ZRANB3: variants seen among roughly 807,000 people sequenced by gnomAD.
The protein encoded by ZRANB3 is DNA annealing helicase and endonuclease ZRANB3.
ZRANB3 carries 125 observed loss-of-function variants against 133.8 expected under a neutral mutation model. The observed-to-expected ratio is 0.93, with a 90% CI of 0.81 to 1.08. The LOEUF is 1.08. Among genes scored for constraint, ZRANB3 ranks in the 50% least tolerant of loss-of-function variants. ZRANB3 has a pLI of 0.00. For synonymous variants in ZRANB3, 387 were observed against 432.7 expected, an observed-to-expected ratio of 0.89 and a Z score of 1.31; for missense variants, 1,229 against 1,275.5, an observed-to-expected ratio of 0.96 and a Z score of 0.56.
At chr2:135,403,634 G>A (rs1223262540) in intron 2 of ZRANB3, among the ~76,000 whole-genome samples, 2 of 152,216 alleles carry the variant, frequency 1.3e-5, no homozygotes, top group Non-Finnish European at 1.5e-5. Context: ...CTGGAGATCT[G>A]AGAACAGATA....
At chr2:135,277,862 T>C (rs1449871861) in intron 8 of ZRANB3, among the ~76,000 whole-genome samples, 1 of 149,958 alleles carries the variant, frequency 6.7e-6, no homozygotes, top group East Asian at 1.9e-4. Flanking sequence ...GAGGTGGAGG[T>C]TGCAGTGAGC....
chr2:135,290,346 T>A (rs1009883565), intron 8 of ZRANB3, among the ~76,000 whole-genome samples: 1 of 152,232 alleles, frequency 6.6e-6, no homozygotes, highest in Admixed American at 6.5e-5. Context: ...CATTATATAA[T>A]GTCCCTGTTT....
intron 12 of ZRANB3, among the ~76,000 whole-genome samples, chr2:135,234,226 T>C (rs1020977268): frequency 6.6e-6 from 1 of 152,222 alleles, no homozygotes; most frequent in Non-Finnish European, 1.5e-5. Flanking sequence ...AAGGGATCAA[T>C]TCAACAAGAA....
rs1191297417 is a variant in ZRANB3 at position 135,227,846 on chromosome 2, C to G, written c.2124G>C (p.Glu708Asp). The G allele has an allele frequency of 6.3e-7, 1 of 1,577,494 alleles. No individual in the cohort carries two copies. Among genetic ancestry groups the G allele is most frequent in the African/African-American group, 1.3e-5 (1 of 74,566 alleles). ...ADSKEETPKIEKEDGLTSQPG... is the reference protein window; with the variant it reads ...ADSKEETPKIDKEDGLTSQPG... Reference sequence around the variant, plus strand: ...GCTGGGATGTAAGTCCGTCTTCTTTCTCAATTTTTGGTGTTTCTTCCTTGC... The same window carrying G: ...GCTGGGATGTAAGTCCGTCTTCTTTGTCAATTTTTGGTGTTTCTTCCTTGC... The change falls in exon 14 of 21, where the codon GAG becomes GAC. Residue 708 changes from glutamate to aspartate, a missense_variant. By Grantham distance (45) the Glu-to-Asp change is conservative (BLOSUM62 2). Coordinates refer to ENST00000264159, the MANE Select transcript of ZRANB3 (RefSeq NM_032143.4).
chr2:135,246,053 T>C (rs2105089417), intron 12 of ZRANB3, among the ~76,000 whole-genome samples: 1 of 145,812 alleles, frequency 6.9e-6, no homozygotes, highest in Non-Finnish European at 1.5e-5. Context: ...TTTTTTTTTT[T>C]TTTGAGACAG....
At chr2:135,407,928 T>C (rs1267473510) in intron 2 of ZRANB3, among the ~76,000 whole-genome samples, 1 of 147,872 alleles carries the variant, frequency 6.8e-6, no homozygotes, top group African/African-American at 2.6e-5. Flanking sequence ...GGACTTCATG[T>C]CTAAAACACC....
chr2:135,356,730 T>G (rs552886764), intron 3 of ZRANB3, among the ~76,000 whole-genome samples: 2 of 152,336 alleles, frequency 1.3e-5, no homozygotes, highest in Admixed American at 1.3e-4. Flanking sequence ...GTGTGTTTGT[T>G]TTTTAGATAG....
At chr2:135,515,687 G>A (rs184183753) in intron 1 of ZRANB3, among the ~76,000 whole-genome samples, 343 of 152,304 alleles carry the variant, frequency 2.3e-3, no homozygotes, top group African/African-American at 6.0e-3. Context: ...ATTTGCTGAG[G>A]AGTGCATTAC....
chr2:135,373,616 C>G (rs1244733860), intron 3 of ZRANB3, among the ~76,000 whole-genome samples: 1 of 151,824 alleles, frequency 6.6e-6, no homozygotes, highest in African/African-American at 2.4e-5. Context: ...GGCAAAACCC[C>G]GTCTCAACTA....
chr2:135,204,616 C>T lies in ZRANB3; in HGVS notation c.3010-1653G>A, dbSNP rs562588294. Among the ~76,000 whole-genome samples, 4 of 139,794 alleles carry T rather than the reference C, an allele frequency of 2.9e-5. No individual in the cohort carries two copies. The South Asian group carries it at 9.0e-4, about 31-fold the overall frequency. 91.7% of individuals were successfully genotyped at this position (139,794 alleles called of 152,430 possible). On this transcript the variant is annotated intron_variant, in intron 19 of 20. Coordinates refer to ENST00000264159, the MANE Select transcript of ZRANB3 (RefSeq NM_032143.4). ...GAGTTCAAGATCATCCTGGGAAACA[C>T]AGTGAGATCCCAGACCCAATCTCAA...
intron 6 of ZRANB3, among the ~76,000 whole-genome samples, chr2:135,328,196 C>A (rs1029799198): frequency 6.6e-6 from 1 of 152,000 alleles, no homozygotes; most frequent in African/African-American, 2.4e-5. Context: ...GGTATTTCTC[C>A]TAATGCTATC....
At position 135,263,406 on chromosome 2, in the gene ZRANB3, T is replaced by C. The variant is rs1573783897; in HGVS notation, c.1539+2128A>G. Among the ~76,000 whole-genome samples the C allele has an allele frequency of 2.0e-5, 3 of 152,232 alleles. No homozygotes were observed. The South Asian group carries it at 6.2e-4, about 31-fold the overall frequency. ...ATTCTAAAAAATGACGCAGTAAAGA[T>C]ATTTGTGCATGTATCCTTACATATG... On this transcript the variant is annotated intron_variant, in intron 12 of 20. Transcript: ENST00000264159.
intron 2 of ZRANB3, among the ~76,000 whole-genome samples, chr2:135,417,560 T>C (rs1445353915): frequency 6.6e-6 from 1 of 152,198 alleles, no homozygotes; most frequent in Non-Finnish European, 1.5e-5. Flanking sequence ...TGGCGATTCC[T>C]CAGGGATCTA....
intron 2 of ZRANB3, among the ~76,000 whole-genome samples, chr2:135,416,644 T>A (rs1250284022): frequency 2.0e-5 from 3 of 150,146 alleles, no homozygotes; most frequent in Admixed American, 2.0e-4. Context: ...AGAGCCCGCA[T>A]CGCCAAGTCA....
In ZRANB3 at chr2:135,476,045, T is replaced by C. The variant is rs1691485584; in HGVS notation, c.161+28284A>G. On this transcript the variant is annotated intron_variant, in intron 2 of 20. Transcript: ENST00000264159. ...GTGAGCCAAGATTGCACCACTGTAC[T>C]CCAGCCTGGACAACAGAACAAGACT... 3.3e-5 allele frequency among the ~76,000 whole-genome samples: 5 copies of C among 151,932 alleles called. No homozygotes were observed. In the South Asian group the frequency reaches 1.0e-3, roughly 32 times the overall value.
chr2:135,417,248 TCAAA>T (rs1688626384), intron 2 of ZRANB3, among the ~76,000 whole-genome samples: 1 of 151,780 alleles, frequency 6.6e-6, no homozygotes, highest in Non-Finnish European at 1.5e-5. Context: ...TACAATGAAC[TCAAA>T]CAAATTTACA....
intron 12 of ZRANB3, among the ~76,000 whole-genome samples, chr2:135,236,954 C>G (rs1695314882): frequency 6.6e-6 from 1 of 152,028 alleles, no homozygotes; most frequent in South Asian, 2.1e-4. Context: ...TCTAATTAAA[C>G]TAAAGAGCTT....
chr2:135,341,393 CCTTGTGTTTACTTTAATCT>C (rs1223279920), intron 6 of ZRANB3, among the ~76,000 whole-genome samples: 1 of 149,964 alleles, frequency 6.7e-6, no homozygotes. Context: ...AATTTCCTAT[CCTTGTGTTTACTTTAATCT>C]CTTAATCCCA....
intron 2 of ZRANB3, among the ~76,000 whole-genome samples, chr2:135,438,183 C>A (rs547566035): frequency 1.1e-4 from 17 of 152,230 alleles, no homozygotes; most frequent in African/African-American, 2.9e-4. Context: ...ATATCTCTCT[C>A]TATATACTGT....
Sources: allele counts gnomAD v4.1 joint callset (sites outside exome capture counted in the v4.1 genomes callset), GRCh38; gene constraint gnomAD v4.1.1; transcripts MANE v1.5; gene names NCBI Gene and HGNC (gene_info 2026-07-23, HGNC 2026-07-21).